The following PITPNC1 variants were observed in gnomAD, a reference collection of about 807,000 sequenced individuals.
The protein encoded by PITPNC1 is phosphatidylinositol transfer protein cytoplasmic 1, also known as cytoplasmic phosphatidylinositol transfer protein 1.
A neutral mutation model predicts 44.7 loss-of-function variants in PITPNC1; 18 were observed. The ratio of observed to expected loss-of-function variants is 0.40; its 90% CI spans 0.28 to 0.60. The LOEUF is 0.60. Among genes scored for constraint, PITPNC1 ranks in the 20% least tolerant of loss-of-function variants. PITPNC1 has a pLI of 0.39. For synonymous variants in PITPNC1, 141 were observed against 149.6 expected (o/e 0.94, Z 0.42); for missense variants, 290 against 418.4 (o/e 0.69, Z 2.68).
chr17:67,395,211 A>G (rs1359702045), intron 1 of PITPNC1, among the ~76,000 whole-genome samples: 2 of 150,288 alleles, frequency 1.3e-5, no homozygotes, highest in African/African-American at 4.9e-5. Context: ...TCTGTTGCCC[A>G]GGCACCATCA....
chr17:67,629,532 C>T lies in PITPNC1; in HGVS notation c.367-2611C>T, dbSNP rs564201361. On this transcript the variant is annotated intron_variant, in intron 5 of 8. Transcript: ENST00000581322. ...CTCCCCCAACCCGCCCGACATCAGC[C>T]TCCCGAAGTGCTGGGCTTACAGGTG... 7.7e-4 allele frequency among the ~76,000 whole-genome samples: 117 copies of T among 152,318 alleles called. 1 individual carries two copies. Among genetic ancestry groups the T allele is most frequent in the Middle Eastern group, 3.4e-3 (1 of 294 alleles).
At chr17:67,477,657 C>T (rs895673941) in intron 1 of PITPNC1, among the ~76,000 whole-genome samples, 1 of 152,090 alleles carries the variant, frequency 6.6e-6, no homozygotes, top group Non-Finnish European at 1.5e-5. Context: ...CCTCAGCCCC[C>T]CAAAGTACTT....
intron 2 of PITPNC1, among the ~76,000 whole-genome samples, chr17:67,550,878 G>A (rs2040752216): frequency 6.6e-6 from 1 of 152,020 alleles, no homozygotes. Context: ...TGGCTAATAC[G>A]GTGAAACCCC....
chr17:67,451,581 AG>A (rs2039175999), intron 1 of PITPNC1, among the ~76,000 whole-genome samples: 1 of 151,680 alleles, frequency 6.6e-6, no homozygotes, highest in South Asian at 2.1e-4. Flanking sequence ...TGTCTTTTCT[AG>A]TAATTTCGTA....
chr17:67,443,617 C>G (rs1450337994), intron 1 of PITPNC1, among the ~76,000 whole-genome samples: 3 of 144,224 alleles, frequency 2.1e-5, no homozygotes, highest in African/African-American at 7.7e-5. Context: ...GGACAATAGG[C>G]AGAGAGGACA....
At chr17:67,560,590 A>G (rs948170310) in intron 4 of PITPNC1, among the ~76,000 whole-genome samples, 1 of 152,206 alleles carries the variant, frequency 6.6e-6, no homozygotes, top group Non-Finnish European at 1.5e-5. Flanking sequence ...AAACCAGCCT[A>G]TTCACAGATG....
At chr17:67,498,030 T>C (rs2039979212) in intron 1 of PITPNC1, among the ~76,000 whole-genome samples, 1 of 151,546 alleles carries the variant, frequency 6.6e-6, no homozygotes, top group African/African-American at 2.4e-5. Flanking sequence ...CTGGCTAATT[T>C]TTTGTATTTT....
intron 2 of PITPNC1, among the ~76,000 whole-genome samples, chr17:67,544,147 G>C (rs149082255): frequency 6.6e-6 from 1 of 152,186 alleles, no homozygotes; most frequent in Non-Finnish European, 1.5e-5. Context: ...CACCACACCC[G>C]GCGTGTGCTT....
chr17:67,513,531 A>G (rs2040220018), intron 1 of PITPNC1, among the ~76,000 whole-genome samples: 1 of 149,606 alleles, frequency 6.7e-6, no homozygotes, highest in Non-Finnish European at 1.5e-5. Flanking sequence ...ATAAATAAGT[A>G]AAAACAGTCA....
intron 2 of PITPNC1, among the ~76,000 whole-genome samples, chr17:67,551,250 T>C (rs2040759169): frequency 7.2e-5 from 11 of 152,240 alleles, no homozygotes; most frequent in Admixed American, 7.2e-4. Context: ...CCTGTGCCTT[T>C]TGAGAATTTG....
chr17:67,429,943 A>G (rs1055085768), intron 1 of PITPNC1, among the ~76,000 whole-genome samples: 4 of 152,234 alleles, frequency 2.6e-5, no homozygotes, highest in African/African-American at 9.6e-5. Flanking sequence ...CCATTTGGCA[A>G]TGAACCTGTG....
At chr17:67,645,540 G>T (rs1205928481) in intron 6 of PITPNC1, among the ~76,000 whole-genome samples, 3 of 151,776 alleles carry the variant, frequency 2.0e-5, no homozygotes, top group Non-Finnish European at 4.4e-5. Flanking sequence ...ACTTACTGAG[G>T]TCAAGGTTTT....
chr17:67,392,877 C>T (rs780086853), intron 1 of PITPNC1, among the ~76,000 whole-genome samples: 2 of 151,906 alleles, frequency 1.3e-5, no homozygotes, highest in Non-Finnish European at 2.9e-5. Flanking sequence ...CCTAGCACTT[C>T]GGGAGGCCAA....
chr17:67,684,994 G>C (rs1407009480), intron 8 of PITPNC1, among the ~76,000 whole-genome samples: 5 of 152,252 alleles, frequency 3.3e-5, no homozygotes. Context: ...TGTCATGCCT[G>C]TTGGGATGGT....
chr17:67,632,860 T>C (rs773373179), intron 6 of PITPNC1, among the ~76,000 whole-genome samples: 6 of 152,214 alleles, frequency 3.9e-5, no homozygotes, highest in Non-Finnish European at 7.4e-5. Flanking sequence ...GAGCCACCTG[T>C]GTTTTATTTG....
At chr17:67,473,889 A>T (rs2949916) in intron 1 of PITPNC1, among the ~76,000 whole-genome samples, 59,500 of 151,924 alleles carry the variant, frequency 0.39, 12,986 homozygotes, top group African/African-American at 0.59. Flanking sequence ...CTATTCTCCC[A>T]TGCCTTCTGC....
chr17:67,377,495 AGCG>A lies in PITPNC1; in HGVS notation c.-642_-640del, dbSNP rs556409374. The A allele has an allele frequency of 1.8e-4, 27 of 153,864 alleles. No individual in the cohort carries two copies. Among genetic ancestry groups the A allele is most frequent in the Non-Finnish European group, 3.8e-4 (26 of 68,906 alleles). 9.5% of individuals were successfully genotyped at this position (153,864 alleles called of 1,614,324 possible). A position where few individuals can be genotyped will look rare whatever the true frequency, so the allele number is the denominator to read the frequency against. On this transcript the variant is annotated 5_prime_UTR_variant, in exon 1 of 9. Coordinates refer to ENST00000581322, the MANE Select transcript of PITPNC1 (RefSeq NM_012417.4). ...CCGGGGCCCCAGCCGGGCAGAGCCG[AGCG>A]GCGGCGGCGGCGGCGGCTTCCCTTT...
At position 67,660,518 on chromosome 17, in the gene PITPNC1, T is replaced by TTTATTTA. The variant is rs1555578636; in HGVS notation, c.463-8988_463-8987insATTTATT. 6.5e-4 allele frequency among the ~76,000 whole-genome samples: 90 copies of TTTATTTA among 139,426 alleles called. 1 individual carries two copies. The highest frequency in any genetic ancestry group is 1.4e-3 in the African/African-American group (46 of 33,996). The allele number at this position is 139,426 out of a possible 152,430, so 91.5% of individuals were successfully genotyped here. A position where few individuals can be genotyped will look rare whatever the true frequency, so the allele number is the denominator to read the frequency against. On this transcript the variant is annotated intron_variant, in intron 6 of 8. Transcript: ENST00000581322. ...ATCATATATATTTTATTTTATTTTA[T>TTTATTTA]TTTATTTATTTATTTATTTATTTGT...
chr17:67,525,245 G>A (rs1205044410), intron 1 of PITPNC1: 1 of 152,132 alleles, frequency 6.6e-6, no homozygotes, highest in Non-Finnish European at 1.5e-5. Flanking sequence ...AGCTGAGGGT[G>A]GCCCAGACTG....
Sources: gnomAD v4.1 joint callset for allele counts (sites outside exome capture counted in the v4.1 genomes callset) on GRCh38, gnomAD v4.1.1 for gene constraint, MANE v1.5 for transcripts, NCBI Gene and HGNC (gene_info 2026-07-23, HGNC 2026-07-21) for gene names.